Variants in IRGM observed in about 807,000 individuals in gnomAD.
IRGM encodes the protein immunity related GTPase M, also known as immunity-related GTPase family M protein.
For synonymous variants in IRGM, 98 were observed against 80.6 expected (o/e 1.22, Z -1.16); for missense variants, 288 against 219.9 (o/e 1.31, Z -1.96).
At chr5:150,895,424 T>C (rs900053123) in intron 3 of IRGM, 1 of 1,587,254 alleles carries the variant, frequency 6.3e-7, no homozygotes, top group Middle Eastern at 1.7e-4. Context: ...GGCCAGTTCA[T>C]TATGATTTTA....
chr5:150,896,850 C>T (rs1246065506), intron 3 of IRGM: 5 of 1,613,702 alleles, frequency 3.1e-6, no homozygotes, highest in Middle Eastern at 1.7e-4. Context: ...CTGACCATCA[C>T]CTTGACAGAC....
At chr5:150,853,943 G>T (rs528122273) in intron 1 of IRGM, among the ~76,000 whole-genome samples, 6 of 152,010 alleles carry the variant, frequency 3.9e-5, no homozygotes, top group African/African-American at 1.2e-4. Context: ...TGATAAAGTG[G>T]AACTTCTGCC....
At chr5:150,889,745 T>G (rs1754579642) in intron 3 of IRGM, among the ~76,000 whole-genome samples, 1 of 152,054 alleles carries the variant, frequency 6.6e-6, no homozygotes, top group Admixed American at 6.6e-5. Context: ...AAGAAGTTCC[T>G]TTTTAGATGA....
At chr5:150,873,715 A>T (rs1013581877) in intron 1 of IRGM, among the ~76,000 whole-genome samples, 2 of 152,202 alleles carry the variant, frequency 1.3e-5, no homozygotes, top group Non-Finnish European at 2.9e-5. Flanking sequence ...TGGCATAGAC[A>T]TACTTTGCAT....
downstream of IRGM, among the ~76,000 whole-genome samples, chr5:150,849,605 C>CTCTCTTT (rs1333754649): frequency 7.8e-6 from 1 of 128,390 alleles, no homozygotes; most frequent in African/African-American, 2.8e-5. Context: ...CTTTTTCTCT[C>CTCTCTTT]TTTTTTTTTT....
chr5:150,851,513 C>A (rs564442057), downstream of IRGM, among the ~76,000 whole-genome samples: 11 of 152,266 alleles, frequency 7.2e-5, no homozygotes, highest in African/African-American at 2.6e-4. Flanking sequence ...TTATAATAGA[C>A]AAAATTTTTG....
chr5:150,848,277 G>T lies in IRGM; in HGVS notation c.154G>T (p.Ala52Ser). ...SGNGMSTFIS[A>S]LRNTGHEGKA... ...CAATGGGATGTCCACCTTCATCAGT[G>T]CCCTTCGAAACACAGGACATGAGGG... is the stretch of plus-strand genomic sequence containing the variant. The change falls in exon 2 of 2, where the codon GCC becomes TCC. Residue 52 changes from alanine to serine, a missense_variant. Physicochemically the swap from Ala to Ser is moderately conservative, Grantham distance 99. Transcript: ENST00000522154. 6.4e-7 allele frequency: 1 copy of T among 1,551,782 alleles called. No individual in the cohort carries two copies. The highest frequency in any genetic ancestry group is 8.7e-7 in the Non-Finnish European group (1 of 1,146,980).
intron 3 of IRGM, among the ~76,000 whole-genome samples, chr5:150,892,500 A>G (rs10057988): frequency 0.21 from 31,784 of 152,056 alleles, 5,370 homozygotes; most frequent in African/African-American, 0.45. Context: ...ATAGAAGGAT[A>G]TGTTGTCTAC....
chr5:150,867,065 TTACATGGA>T (rs1754218410), intron 1 of IRGM, among the ~76,000 whole-genome samples: 1 of 152,184 alleles, frequency 6.6e-6, no homozygotes, highest in Non-Finnish European at 1.5e-5. Flanking sequence ...TGGTGTTTGG[TTACATGGA>T]TAAATTCCTT....
intron 3 of IRGM, among the ~76,000 whole-genome samples, chr5:150,883,487 A>C (rs1754474333): frequency 6.6e-6 from 1 of 151,596 alleles, no homozygotes; most frequent in Non-Finnish European, 1.5e-5. Flanking sequence ...AAGATAAACA[A>C]ATTGACAAAC....
chr5:150,878,171 C>CTT (rs35792893), intron 2 of IRGM: 12 of 348,812 alleles, frequency 3.4e-5, no homozygotes, highest in Non-Finnish European at 4.5e-5. Flanking sequence ...AAATAGTAAA[C>CTT]TTTTTTTTTT....
chr5:150,864,872 G>C (rs1206077557), intron 1 of IRGM, among the ~76,000 whole-genome samples: 1 of 151,760 alleles, frequency 6.6e-6, no homozygotes, highest in Non-Finnish European at 1.5e-5. Flanking sequence ...GAGTCAGGGA[G>C]ATAAAAATGT....
chr5:150,873,565 C>A (rs1161230855), intron 1 of IRGM, among the ~76,000 whole-genome samples: 1 of 152,200 alleles, frequency 6.6e-6, no homozygotes, highest in Non-Finnish European at 1.5e-5. Context: ...CCTAAAACAT[C>A]ATTGTGGCCT....
chr5:150,879,497 AGTAC>A (rs1754413273), intron 2 of IRGM: 1 of 152,234 alleles, frequency 6.6e-6, no homozygotes, highest in Non-Finnish European at 1.5e-5. Flanking sequence ...ATGCTTGCCA[AGTAC>A]TTAGTCTGGC....
At chr5:150,851,566 A>G (rs1442775764), downstream of IRGM, among the ~76,000 whole-genome samples, 1 of 152,230 alleles carries the variant, frequency 6.6e-6, no homozygotes, top group Non-Finnish European at 1.5e-5. Flanking sequence ...AGAAGATGAT[A>G]TATAAAACTC....
In IRGM at chr5:150,846,954, A is replaced by G. The variant is rs905334876; in HGVS notation, c.-682A>G. 2 of 152,542 alleles carry G rather than the reference A, an allele frequency of 1.3e-5. No individual in the cohort carries two copies. The highest frequency in any genetic ancestry group is 2.9e-5 in the Non-Finnish European group (2 of 68,258). 9.4% of individuals were successfully genotyped at this position (152,542 alleles called of 1,614,324 possible). ...TCCGGTAGGAGTAGGAAATCACATC[A>G]CCTTCTTTTAATCAGTCTCAAATAC... On this transcript the variant is annotated 5_prime_UTR_variant, in exon 1 of 2. Transcript: ENST00000522154.
intron 1 of IRGM, among the ~76,000 whole-genome samples, chr5:150,863,237 G>T (rs576541244): frequency 3.5e-4 from 53 of 152,170 alleles, no homozygotes; most frequent in Non-Finnish European, 5.7e-4. Context: ...TATGACTAGT[G>T]AATATGAAGT....
intron 1 of IRGM, among the ~76,000 whole-genome samples, chr5:150,874,281 G>C (rs747697554): frequency 3.9e-5 from 6 of 152,136 alleles, no homozygotes; most frequent in Non-Finnish European, 7.4e-5. Context: ...AAACTGGTCT[G>C]TTACATTGAT....
At chr5:150,896,576 T>C (rs1754791192) in intron 3 of IRGM, 27 of 1,613,780 alleles carry the variant, frequency 1.7e-5, no homozygotes, top group Non-Finnish European at 2.3e-5. Flanking sequence ...TCTGGCTAGA[T>C]GATTTTCCAC....
Sources: allele counts gnomAD v4.1 joint callset (sites outside exome capture counted in the v4.1 genomes callset), GRCh38; gene constraint gnomAD v4.1.1; transcripts MANE v1.5; gene names NCBI Gene and HGNC (gene_info 2026-07-23, HGNC 2026-07-21).